Variants in GSAP observed in about 807,000 individuals in gnomAD.
GSAP encodes gamma-secretase activating protein.
In GSAP, 118 loss-of-function variants were observed where a neutral mutation model predicts 131.7. That is an observed-to-expected ratio of 0.90 (90% confidence interval 0.77 to 1.04). The LOEUF (loss-of-function observed/expected upper bound fraction) is 1.04. Ranked by LOEUF, GSAP falls within the 50% of genes least tolerant of loss-of-function variation. The pLI is 0.00. For missense variants in GSAP, 1,019 were observed against 1,013.2 expected, an observed-to-expected ratio of 1.01 and a Z score of -0.08; for synonymous variants, 381 against 363.4, an observed-to-expected ratio of 1.05 and a Z score of -0.55.
At chr7:77,353,734 T>C in intron 16 of GSAP, 93 bp from the exon 17 acceptor site, 1 of 723,950 alleles carries the variant, frequency 1.4e-6, no homozygotes. Context: ...TCTTTTGCAT[T>C]CTATACCTAT....
chr7:77,411,373 T>C (rs1034238489), intron 1 of GSAP, among the ~76,000 whole-genome samples: 9 of 152,234 alleles, frequency 5.9e-5, no homozygotes, highest in African/African-American at 2.2e-4. Flanking sequence ...AACTTACATA[T>C]TGCAGATCTT....
intron 5 of GSAP, among the ~76,000 whole-genome samples, chr7:77,388,994 G>A (rs1458484684): frequency 6.6e-6 from 1 of 152,122 alleles, no homozygotes; most frequent in African/African-American, 2.4e-5. Context: ...ACAACCAAGG[G>A]TATGGATGAG....
chr7:77,392,774 C>G (rs1304581913), intron 5 of GSAP, among the ~76,000 whole-genome samples: 1 of 152,168 alleles, frequency 6.6e-6, no homozygotes, highest in East Asian at 1.9e-4. Context: ...TGAAGGAGCT[C>G]TGGTTATTCA....
intron 19 of GSAP, 167 bp from the exon 20 acceptor site, chr7:77,330,534 G>C: frequency 1.7e-6 from 2 of 1,151,590 alleles, no homozygotes; most frequent in Non-Finnish European, 2.2e-6. Context: ...TTCTAAAATA[G>C]ACTTAAAGAA....
intron 12 of GSAP, among the ~76,000 whole-genome samples, chr7:77,367,036 G>A (rs1458268377): frequency 6.6e-6 from 1 of 152,146 alleles, no homozygotes; most frequent in African/African-American, 2.4e-5. Flanking sequence ...TGCTCTTGTT[G>A]GTGTAAAGAA....
intron 5 of GSAP, among the ~76,000 whole-genome samples, chr7:77,394,708 C>G (rs1194596040): frequency 1.3e-5 from 2 of 152,206 alleles, no homozygotes; most frequent in African/African-American, 4.8e-5. Flanking sequence ...CTCACAATTA[C>G]CCACTTTAGA....
rs1454586968 is a variant in GSAP at position 77,330,569 on chromosome 7, GTC to G, written c.1546-204_1546-203del. 1.5e-5 allele frequency: 14 copies of G among 946,052 alleles called. No individual in the cohort carries two copies. In the Admixed American group the frequency reaches 2.9e-4, roughly 20 times the overall value. 58.6% of individuals were successfully genotyped at this position (946,052 alleles called of 1,614,324 possible). ...ATCTTCTTTACCCACTTCATTTTCTGTCTCTTTTTTTTTTTTTTTTTTTTGTC... is the reference window on the plus strand; with the variant it reads ...ATCTTCTTTACCCACTTCATTTTCTGTCTTTTTTTTTTTTTTTTTTTTGTC... On this transcript the variant is annotated intron_variant, in intron 19 of 30. Coordinates refer to ENST00000257626, the MANE Select transcript of GSAP (RefSeq NM_017439.4).
intron 19 of GSAP, among the ~76,000 whole-genome samples, chr7:77,338,916 CA>C (rs1562935025): frequency 6.6e-6 from 1 of 152,100 alleles, no homozygotes; most frequent in African/African-American, 2.4e-5. Flanking sequence ...ATTCAGTTCC[CA>C]CACACACACC....
intron 26 of GSAP, among the ~76,000 whole-genome samples, chr7:77,318,196 A>T (rs1469895120): frequency 1.3e-5 from 2 of 152,230 alleles, no homozygotes; most frequent in East Asian, 3.8e-4. Flanking sequence ...CTTTAGGCAA[A>T]TTACTCAACC....
chr7:77,317,803 CAACA>C (rs758835261), intron 26 of GSAP, among the ~76,000 whole-genome samples: 22 of 152,184 alleles, frequency 1.4e-4, no homozygotes, highest in Non-Finnish European at 2.9e-4. Flanking sequence ...TTTGTGTTAA[CAACA>C]AACAATTAAG....
At chr7:77,342,873 A>G (rs2091428) in intron 19 of GSAP, among the ~76,000 whole-genome samples, 25,901 of 152,066 alleles carry the variant, frequency 0.17, 2,974 homozygotes, top group East Asian at 0.44. Context: ...TCCACCCCAC[A>G]GTGCCAAACC....
rs1012237213 is a variant in GSAP, at chr7:77,313,359, G to A, written c.2271+129C>T. 8 of 607,062 alleles carry A rather than the reference G, an allele frequency of 1.3e-5. No homozygotes were observed. The African/African-American group carries it at 1.5e-4, about 11-fold the overall frequency. The allele number at this position is 607,062 out of a possible 1,614,324, so 37.6% of individuals were successfully genotyped here. On this transcript the variant is annotated intron_variant, in intron 28 of 30. Coordinates refer to ENST00000257626, the MANE Select transcript of GSAP (RefSeq NM_017439.4). ...GGCTGGGGACGGGTGGGATTTCTTG[G>A]AAGTGTTGAAAAGTGAAACAATTCA... is the stretch of plus-strand genomic sequence containing the variant.
chr7:77,358,673 A>C (rs1488246988), intron 14 of GSAP, among the ~76,000 whole-genome samples: 2 of 152,234 alleles, frequency 1.3e-5, no homozygotes, highest in Non-Finnish European at 1.5e-5. Context: ...TAAGTACTCT[A>C]GGATTGTAAC....
rs566774980 is a variant in GSAP at position 77,414,386 on chromosome 7, G to A, written c.109+1827C>T. Among the ~76,000 whole-genome samples, 35 of 152,304 alleles carry A rather than the reference G, an allele frequency of 2.3e-4. No homozygotes were observed. In the South Asian group the frequency reaches 7.2e-3, roughly 32 times the overall value. ...TACAGAACAGGAATTAATTTGTGTG[G>A]GGGTATTTTTGAGCTACCACCCACT... On this transcript the variant is annotated intron_variant, in intron 1 of 30. Transcript: ENST00000257626.
chr7:77,400,224 T>C (rs1486127863), intron 3 of GSAP, among the ~76,000 whole-genome samples: 2 of 152,066 alleles, frequency 1.3e-5, no homozygotes, highest in African/African-American at 4.8e-5. Context: ...CTTTCAACCA[T>C]TCCCAGTGGT....
At chr7:77,371,436 T>C (rs376320550) in intron 12 of GSAP, among the ~76,000 whole-genome samples, 15 of 147,582 alleles carry the variant, frequency 1.0e-4, no homozygotes, top group East Asian at 2.0e-4. Flanking sequence ...TTTTTCTTTT[T>C]TTTTTTTTTT....
At chr7:77,413,894 A>G (rs1255639249) in intron 1 of GSAP, among the ~76,000 whole-genome samples, 1 of 151,332 alleles carries the variant, frequency 6.6e-6, no homozygotes, top group Non-Finnish European at 1.5e-5. Context: ...GCTACCTGTT[A>G]AAATATTCTT....
intron 12 of GSAP, among the ~76,000 whole-genome samples, chr7:77,373,698 C>T (rs575884330): frequency 1.3e-5 from 2 of 152,294 alleles, no homozygotes; most frequent in East Asian, 3.9e-4. Flanking sequence ...AAGCCAGGTA[C>T]GTAAGTTTAG....
intron 1 of GSAP, among the ~76,000 whole-genome samples, chr7:77,413,990 G>A (rs1803810398): frequency 1.3e-5 from 2 of 152,132 alleles, no homozygotes; most frequent in Admixed American, 1.3e-4. Context: ...AGAACCAGGA[G>A]CAAATGCAGT....
Sources: allele counts gnomAD v4.1 joint callset (sites outside exome capture counted in the v4.1 genomes callset), GRCh38; gene constraint gnomAD v4.1.1; transcripts MANE v1.5; gene names NCBI Gene and HGNC (gene_info 2026-07-23, HGNC 2026-07-21).